The following MED27 variants were observed in gnomAD, a reference collection of about 807,000 sequenced individuals.
MED27 encodes the protein mediator of RNA polymerase II transcription subunit 27.
Under a neutral mutation model 38.2 loss-of-function variants are expected in MED27, and 30 were observed. The observed-to-expected ratio is 0.79, with a 90% CI of 0.59 to 1.07. The LOEUF is 1.07. Among genes scored for constraint, MED27 ranks in the 50% least tolerant of loss-of-function variants. The pLI is 0.00. For missense variants in MED27, 289 were observed against 397.5 expected, an observed-to-expected ratio of 0.73 and a Z score of 2.32; for synonymous variants, 122 against 153.5, an observed-to-expected ratio of 0.79 and a Z score of 1.52.
chr9:131,863,649 C>G (rs1355645422), intron 6 of MED27, among the ~76,000 whole-genome samples: 3 of 146,310 alleles, frequency 2.1e-5, no homozygotes, highest in African/African-American at 8.4e-5. Flanking sequence ...TGATGGGGAG[C>G]CTGGCAGTTT....
At chr9:131,879,746 G>A (rs1315443202) in intron 6 of MED27, among the ~76,000 whole-genome samples, 1 of 152,216 alleles carries the variant, frequency 6.6e-6, no homozygotes, top group Admixed American at 6.5e-5. Context: ...ACTTGGCTGG[G>A]TGCAAACAGG....
At chr9:131,939,142 C>T (rs1830737738) in intron 4 of MED27, among the ~76,000 whole-genome samples, 1 of 152,216 alleles carries the variant, frequency 6.6e-6, no homozygotes. Flanking sequence ...GTGAAATGGT[C>T]TTACAGTGTC....
intron 3 of MED27, among the ~76,000 whole-genome samples, chr9:131,961,895 G>A (rs763737348): frequency 6.6e-6 from 1 of 152,196 alleles, no homozygotes; most frequent in Non-Finnish European, 1.5e-5. Flanking sequence ...ATCAATCCAT[G>A]TTTGGAAATA....
chr9:131,998,260 A>T (rs139920456), intron 3 of MED27, among the ~76,000 whole-genome samples: 1 of 151,934 alleles, frequency 6.6e-6, no homozygotes, highest in East Asian at 1.9e-4. Context: ...CTTAAAAAAA[A>T]AAAAGACACA....
intron 3 of MED27, among the ~76,000 whole-genome samples, chr9:131,994,380 AC>A (rs1832046133): frequency 6.6e-6 from 1 of 151,862 alleles, no homozygotes; most frequent in Non-Finnish European, 1.5e-5. Flanking sequence ...TGCCTCCCCC[AC>A]CCCCAATACT....
At chr9:132,061,409 C>T (rs1284168346) in intron 2 of MED27, among the ~76,000 whole-genome samples, 1 of 152,146 alleles carries the variant, frequency 6.6e-6, no homozygotes, top group Non-Finnish European at 1.5e-5. Flanking sequence ...TAAGATCTTG[C>T]TTTTTATACT....
chr9:132,053,451 C>CA (rs56143561), intron 2 of MED27, among the ~76,000 whole-genome samples: 154 of 143,396 alleles, frequency 1.1e-3, no homozygotes, highest in African/African-American at 3.3e-3. Flanking sequence ...CCTCTTGTAA[C>CA]AAAAAAAAAA....
In MED27 at chr9:132,051,922, A is replaced by G. The variant is rs1415597812; in HGVS notation, c.348+25520T>C. Among the ~76,000 whole-genome samples, 1 of 152,252 alleles carries G rather than the reference A, an allele frequency of 6.6e-6. No homozygotes were observed. Among genetic ancestry groups the G allele is most frequent in the East Asian group, 1.9e-4 (1 of 5,204 alleles). ...CCTTGCCATTTTAACTACGATGAGA[A>G]AGTTTAGCTTATAATAGTTGATCAA... On this transcript the variant is annotated intron_variant, in intron 2 of 7. Transcript: ENST00000292035. The surrounding 1 kb of genome is among the most constrained non-coding windows in gnomAD (Gnocchi z 4.2).
chr9:132,079,552 A>G, intron 1 of MED27, 90 bp downstream of exon 1: 1 of 1,214,314 alleles, frequency 8.2e-7, no homozygotes, highest in Non-Finnish European at 1.2e-6. Flanking sequence ...GAAACGGAGA[A>G]CAGCCCCTGC....
chr9:131,878,645 A>T (rs1335757031), intron 6 of MED27, among the ~76,000 whole-genome samples: 2 of 152,210 alleles, frequency 1.3e-5, no homozygotes, highest in African/African-American at 4.8e-5. Flanking sequence ...TGCAGTGAGT[A>T]GCTGTCGGTC....
chr9:132,042,941 GGTCAATA>G (rs1833250557), intron 2 of MED27, among the ~76,000 whole-genome samples: 1 of 152,090 alleles, frequency 6.6e-6, no homozygotes, highest in Non-Finnish European at 1.5e-5. Flanking sequence ...AAATTAGAGA[GGTCAATA>G]CACAGATATC....
At chr9:131,973,463 T>TC (rs1214521447) in intron 3 of MED27, among the ~76,000 whole-genome samples, 1 of 147,962 alleles carries the variant, frequency 6.8e-6, no homozygotes, top group Non-Finnish European at 1.5e-5. Flanking sequence ...TTTTCTTTTT[T>TC]TTTTTTTTTT....
intron 6 of MED27, among the ~76,000 whole-genome samples, chr9:131,867,759 G>A (rs949521884): frequency 2.6e-5 from 4 of 152,234 alleles, no homozygotes; most frequent in African/African-American, 9.6e-5. Flanking sequence ...CTATTCCTAG[G>A]GATGCTAAAA....
intron 3 of MED27, among the ~76,000 whole-genome samples, chr9:131,945,968 TAAAAA>T (rs763561881): frequency 8.7e-6 from 1 of 114,308 alleles, no homozygotes; most frequent in African/African-American, 3.1e-5. Context: ...CCCTATCTCT[TAAAAA>T]AAAAAAAAAA....
intron 2 of MED27, among the ~76,000 whole-genome samples, chr9:132,056,022 G>C (rs1406115837): frequency 6.6e-6 from 1 of 152,220 alleles, no homozygotes; most frequent in Non-Finnish European, 1.5e-5. Context: ...AGCAGGGTCT[G>C]AACCTGGCAT....
At chr9:131,918,293 C>A (rs1366519731) in intron 4 of MED27, among the ~76,000 whole-genome samples, 2 of 152,184 alleles carry the variant, frequency 1.3e-5, no homozygotes, top group Admixed American at 1.3e-4. Context: ...GATTGCCTAA[C>A]TAGGCTACTG....
chr9:131,997,142 C>A lies in MED27; in HGVS notation c.479+17195G>T, dbSNP rs1832108577. ...GTTTTTCTCCTCTGTAAGCCCTTATCTTATCATGTTGAAAGGTTGTACAAA... is the reference window on the plus strand; with the variant it reads ...GTTTTTCTCCTCTGTAAGCCCTTATATTATCATGTTGAAAGGTTGTACAAA... On this transcript the variant is annotated intron_variant, in intron 3 of 7. Transcript: ENST00000292035. The surrounding 1 kb of genome is among the most constrained non-coding windows in gnomAD (Gnocchi z 4.0). Among the ~76,000 whole-genome samples the A allele has an allele frequency of 1.3e-5, 2 of 151,920 alleles. No homozygotes were observed. The highest frequency in any genetic ancestry group is 1.3e-4 in the Admixed American group (2 of 15,218).
chr9:131,945,603 A>C (rs535882520), intron 3 of MED27, among the ~76,000 whole-genome samples: 23 of 152,084 alleles, frequency 1.5e-4, no homozygotes, highest in Admixed American at 4.6e-4. Context: ...CCCCATGCCA[A>C]GCCCTTGGTA....
chr9:131,999,317 C>T (rs972907497), intron 3 of MED27, among the ~76,000 whole-genome samples: 2 of 152,138 alleles, frequency 1.3e-5, no homozygotes, highest in African/African-American at 2.4e-5. Flanking sequence ...TTCCCAAAGC[C>T]GGTCCTGTCC....
Sources: allele counts gnomAD v4.1 joint callset (sites outside exome capture counted in the v4.1 genomes callset), GRCh38; gene constraint gnomAD v4.1.1; non-coding constraint Gnocchi (gnomAD v3.1); transcripts MANE v1.5; gene names NCBI Gene and HGNC (gene_info 2026-07-23, HGNC 2026-07-21).